Variants in ASAP2 observed in about 807,000 individuals in gnomAD.
ASAP2 encodes the protein arf-GAP with SH3 domain, ANK repeat and PH domain-containing protein 2.
A neutral mutation model predicts 131.4 loss-of-function variants in ASAP2; 45 were observed. That is an observed-to-expected ratio of 0.34 (90% confidence interval 0.27 to 0.44). The LOEUF is 0.44. Ranked by LOEUF, ASAP2 falls within the 20% of genes least tolerant of loss-of-function variation. The probability of loss-of-function intolerance (pLI) is 1.00; values close to 1 mark genes in which losing one functional copy is unlikely to be tolerated. For synonymous variants in ASAP2, 510 were observed against 503.0 expected, an observed-to-expected ratio of 1.01 and a Z score of -0.19; for missense variants, 1,011 against 1,297.0, an observed-to-expected ratio of 0.78 and a Z score of 3.39.
chr2:9,385,829 A>G (rs1480709054), intron 21 of ASAP2, among the ~76,000 whole-genome samples: 1 of 152,196 alleles, frequency 6.6e-6, no homozygotes, highest in East Asian at 1.9e-4. Flanking sequence ...CTCAAGAGAA[A>G]AGTTGACTTG....
intron 7 of ASAP2, among the ~76,000 whole-genome samples, chr2:9,328,785 GAC>G (rs1670639903): frequency 6.6e-6 from 1 of 152,202 alleles, no homozygotes; most frequent in Admixed American, 6.5e-5. Flanking sequence ...AGAGGCGAGA[GAC>G]ACAGTGATGT....
chr2:9,322,579 C>T (rs1297780200), intron 5 of ASAP2, among the ~76,000 whole-genome samples: 1 of 152,186 alleles, frequency 6.6e-6, no homozygotes, highest in East Asian at 1.9e-4. Context: ...GAACTGCACA[C>T]TCGACATTTA....
In ASAP2 at chr2:9,393,566, C is replaced by T. The variant is rs145511943; in HGVS notation, c.2603C>T (p.Pro868Leu). ...TTGAGCCAGCCGAGCAAGCCTGCCC[C>T]GCCTGGGATCTCACAGATCAGGCCC... is the stretch of plus-strand genomic sequence containing the variant. ...EALSQPSKPA[P>L]PGISQIRPPP... The change falls in exon 24 of 28, where the codon CCG becomes CTG. Residue 868 changes from proline (P) to leucine (L), a missense_variant. This residue lies in a region of ASAP2 where 652 missense variants were observed against 698.9 expected (regional missense o/e 0.93). Transcript: ENST00000281419. The T allele has an allele frequency of 4.7e-3, 7,467 of 1,599,870 alleles. 45 individuals are homozygous for T. The highest frequency in any genetic ancestry group is 0.012 in the South Asian group (1,082 of 89,152).
chr2:9,303,948 G>A (rs1190269762), intron 3 of ASAP2, among the ~76,000 whole-genome samples: 1 of 152,236 alleles, frequency 6.6e-6, no homozygotes, highest in Admixed American at 6.5e-5. Flanking sequence ...CCTGCTGGGT[G>A]CTATCCATGC....
chr2:9,384,127 C>T (rs570049785), intron 20 of ASAP2, among the ~76,000 whole-genome samples: 7 of 151,968 alleles, frequency 4.6e-5, no homozygotes, highest in Admixed American at 6.6e-5. Context: ...CAAATCTGCA[C>T]GTTGTGCACA....
rs571647864 is a variant in ASAP2 at position 9,401,104 on chromosome 2, T to C, written c.2824-170T>C. Among the ~76,000 whole-genome samples the C allele has an allele frequency of 4.6e-5, 7 of 152,122 alleles. No homozygotes were observed. The South Asian group carries it at 1.5e-3, about 32-fold the overall frequency. On this transcript the variant is annotated intron_variant, in intron 26 of 27. Coordinates refer to ENST00000281419, the MANE Select transcript of ASAP2 (RefSeq NM_003887.3). ...CTGCTTGGTGGGGAGCTCTTCCCTT[T>C]TCTCTCCCTGGCTCCTGAGCTGCAC...
chr2:9,346,840 A>G (rs1671998071), intron 11 of ASAP2, among the ~76,000 whole-genome samples: 1 of 152,274 alleles, frequency 6.6e-6, no homozygotes. Context: ...TGCTGACAGC[A>G]TAAACTTCAC....
intron 12 of ASAP2, 94 bp from the exon 13 acceptor site, chr2:9,355,953 G>A: frequency 6.9e-7 from 1 of 1,452,002 alleles, no homozygotes; most frequent in South Asian, 1.1e-5. Context: ...AGAGAGCTAA[G>A]ATTATTCCAG....
rs2148786553 is a variant in ASAP2, at chr2:9,389,275, G to A, written c.2383+729G>A. Among the ~76,000 whole-genome samples, 1 of 152,320 alleles carries A rather than the reference G, an allele frequency of 6.6e-6. No individual in the cohort carries two copies. The highest frequency in any genetic ancestry group is 1.5e-5 in the Non-Finnish European group (1 of 68,026). On this transcript the variant is annotated intron_variant, in intron 22 of 27. Transcript: ENST00000281419. The surrounding 1 kb of genome is among the most constrained non-coding windows in gnomAD (Gnocchi z 4.7). ...TGGGCTGAGCTCCAGTCGTGGCCATGGCCTTCAGAGGGTTTCCCACATGAA... is the reference window on the plus strand; with the variant it reads ...TGGGCTGAGCTCCAGTCGTGGCCATAGCCTTCAGAGGGTTTCCCACATGAA...
intron 7 of ASAP2, among the ~76,000 whole-genome samples, chr2:9,331,174 T>C (rs1344756450): frequency 6.6e-6 from 1 of 152,266 alleles, no homozygotes; most frequent in Non-Finnish European, 1.5e-5. Context: ...TGCACACTGC[T>C]GTGCTCCGCC....
intron 8 of ASAP2, 102 bp from the exon 9 acceptor site, chr2:9,334,991 A>G: frequency 1.5e-6 from 2 of 1,377,074 alleles, no homozygotes; most frequent in Non-Finnish European, 2.0e-6. Context: ...CGAGGGAGGC[A>G]GTTGTCGCAT....
At chr2:9,362,318 C>T (rs1011211259) in intron 15 of ASAP2, among the ~76,000 whole-genome samples, 1 of 152,218 alleles carries the variant, frequency 6.6e-6, no homozygotes, top group Non-Finnish European at 1.5e-5. Flanking sequence ...GGTTCTCTCA[C>T]AGGAGTAGCA....
At position 9,388,354 on chromosome 2, in the gene ASAP2, C is replaced by G. The variant is rs775799113; in HGVS notation, c.2191C>G (p.Leu731Val). ...ISFYQLGSNQ[L>V]QSNAVSLARD... ...CTTCTACCAGCTGGGCTCCAACCAG[C>G]TTCAGTCTAACGCTGTATCTTTGGC... Residue 731 changes from leucine (L) to valine (V), a missense_variant, in exon 22 of 28, where the codon CTT becomes GTT. Physicochemically the swap from Leu to Val is conservative, Grantham distance 32. This residue lies in a region of ASAP2 where 652 missense variants were observed against 698.9 expected (regional missense o/e 0.93). Transcript: ENST00000281419. The G allele has an allele frequency of 6.2e-7, 1 of 1,614,180 alleles. No homozygotes were observed. Among genetic ancestry groups the G allele is most frequent in the South Asian group, 1.1e-5 (1 of 91,060 alleles).
In ASAP2 at chr2:9,322,363, T is replaced by G. The variant is rs114305567; in HGVS notation, c.471-758T>G. On this transcript the variant is annotated intron_variant, in intron 5 of 27. Coordinates refer to ENST00000281419, the MANE Select transcript of ASAP2 (RefSeq NM_003887.3). ...TTGAAAGAACATGCTACTTGGGTCT[T>G]CTGGTGTCTACTTCAGGCTCTACAG... Among the ~76,000 whole-genome samples, 439 of 152,330 alleles carry G rather than the reference T, an allele frequency of 2.9e-3. 3 individuals carry two copies. Among genetic ancestry groups the G allele is most frequent in the African/African-American group, 0.01 (424 of 41,560 alleles).
intron 1 of ASAP2, among the ~76,000 whole-genome samples, chr2:9,228,734 C>T (rs554990651): frequency 1.3e-5 from 2 of 152,276 alleles, no homozygotes; most frequent in South Asian, 2.1e-4. Flanking sequence ...TGTGAACTGG[C>T]ATACCCAAAT....
chr2:9,235,071 T>C (rs1326209489), intron 1 of ASAP2, among the ~76,000 whole-genome samples: 1 of 152,126 alleles, frequency 6.6e-6, no homozygotes, highest in African/African-American at 2.4e-5. Context: ...CGAGCTGAAT[T>C]TCTCCAAGTG....
At chr2:9,259,134 G>A (rs946729031) in intron 1 of ASAP2, among the ~76,000 whole-genome samples, 2 of 152,352 alleles carry the variant, frequency 1.3e-5, no homozygotes, top group East Asian at 3.9e-4. Flanking sequence ...TGCCCAGGGA[G>A]CCCTTCCCCT....
At chr2:9,369,743 A>G (rs1269771306) in intron 16 of ASAP2, among the ~76,000 whole-genome samples, 2 of 152,262 alleles carry the variant, frequency 1.3e-5, no homozygotes, top group Non-Finnish European at 2.9e-5. Flanking sequence ...AAGTAGAATT[A>G]ATGACACGAG....
In ASAP2 at chr2:9,232,884, C is replaced by A. The variant is rs568284414; in HGVS notation, c.126+25654C>A. 6.6e-6 allele frequency among the ~76,000 whole-genome samples: 1 copy of A among 152,278 alleles called. No individual in the cohort carries two copies. Among genetic ancestry groups the A allele is most frequent in the South Asian group, 2.1e-4 (1 of 4,828 alleles). Reference sequence around the variant, plus strand: ...TTAAAAAAGTAAAAATATGTTTGTGCCCTTGTACAGAGGGGCTGCCTTGCC... The same window carrying A: ...TTAAAAAAGTAAAAATATGTTTGTGACCTTGTACAGAGGGGCTGCCTTGCC... On this transcript the variant is annotated intron_variant, in intron 1 of 27. Coordinates refer to ENST00000281419, the MANE Select transcript of ASAP2 (RefSeq NM_003887.3). The surrounding 1 kb of genome is among the most constrained non-coding windows in gnomAD (Gnocchi z 4.1).
Sources: gnomAD v4.1 joint callset for allele counts (sites outside exome capture counted in the v4.1 genomes callset) on GRCh38, gnomAD v4.1.1 for gene constraint, gnomAD v4.1.1 regional missense constraint, Gnocchi (gnomAD v3.1) non-coding constraint, MANE v1.5 for transcripts, NCBI Gene and HGNC (gene_info 2026-07-23, HGNC 2026-07-21) for gene names.